FOXO3: variants seen among roughly 807,000 people sequenced by gnomAD.
FOXO3 encodes forkhead box O3.
A neutral mutation model predicts 41.9 loss-of-function variants in FOXO3; 4 were observed. The ratio of observed to expected loss-of-function variants is 0.10; its 90% CI spans 0.05 to 0.22. The LOEUF (loss-of-function observed/expected upper bound fraction) is 0.22, where lower values mean the gene tolerates loss of function less well. FOXO3 is among the 10% of genes least tolerant of loss of function. The pLI is 1.00. For synonymous variants in FOXO3, 318 were observed against 389.3 expected (o/e 0.82, Z 2.16); for missense variants, 534 against 906.8 (o/e 0.59, Z 5.28).
intron 2 of FOXO3, among the ~76,000 whole-genome samples, chr6:108,668,902 G>A (rs1378070338): frequency 6.6e-6 from 1 of 152,154 alleles, no homozygotes; most frequent in African/African-American, 2.4e-5. Flanking sequence ...CGAGACGGGT[G>A]GATCATGAGG....
chr6:108,580,120 A>G (rs1196632345), intron 1 of FOXO3, among the ~76,000 whole-genome samples: 1 of 151,736 alleles, frequency 6.6e-6, no homozygotes, highest in Non-Finnish European at 1.5e-5. Flanking sequence ...AGCTACGGTT[A>G]ATTGAACATT....
intron 1 of FOXO3, among the ~76,000 whole-genome samples, chr6:108,649,138 A>G (rs991696183): frequency 3.2e-4 from 49 of 151,884 alleles, no homozygotes; most frequent in African/African-American, 1.1e-3. Flanking sequence ...CATGAGCAGT[A>G]GTCTATTTTG....
At chr6:108,579,363 T>C (rs1776348688) in intron 1 of FOXO3, among the ~76,000 whole-genome samples, 1 of 152,046 alleles carries the variant, frequency 6.6e-6, no homozygotes, top group Non-Finnish European at 1.5e-5. Context: ...AGGTTCGGTG[T>C]TGGAACAACA....
intron 1 of FOXO3, among the ~76,000 whole-genome samples, chr6:108,606,639 A>G (rs2764261): frequency 0.48 from 73,332 of 152,236 alleles, 20,746 homozygotes; most frequent in East Asian, 0.69. Flanking sequence ...AAGCAGGTTC[A>G]GAAAGCCAGG....
chr6:108,649,615 C>T (rs1400615168), intron 1 of FOXO3, among the ~76,000 whole-genome samples: 1 of 146,772 alleles, frequency 6.8e-6, no homozygotes, highest in East Asian at 2.1e-4. Context: ...ACCTCCACTT[C>T]CCAGGCTCAA....
chr6:108,621,210 G>A (rs959711286), intron 1 of FOXO3, among the ~76,000 whole-genome samples: 3 of 152,138 alleles, frequency 2.0e-5, no homozygotes, highest in Non-Finnish European at 2.9e-5. Context: ...AGCTATGCTT[G>A]TATGTCCTCG....
chr6:108,658,002 G>A (rs928822826), intron 1 of FOXO3, among the ~76,000 whole-genome samples: 7 of 152,174 alleles, frequency 4.6e-5, no homozygotes, highest in African/African-American at 1.7e-4. Flanking sequence ...GGGGGAGTTG[G>A]CTCTTACATG....
intron 1 of FOXO3, among the ~76,000 whole-genome samples, chr6:108,621,378 A>C (rs1777658483): frequency 6.6e-6 from 1 of 152,294 alleles, no homozygotes; most frequent in East Asian, 1.9e-4. Flanking sequence ...TCATCAAGCC[A>C]CAAGGACTTC....
Position 108,682,936 on chromosome 6 carries a change from CTCTCCAGG to C in FOXO3, c.*3145_*3152del, listed in dbSNP as rs1770922991. On this transcript the variant is annotated 3_prime_UTR_variant, in exon 3 of 3. Coordinates refer to ENST00000406360, the MANE Select transcript of FOXO3 (RefSeq NM_001455.4). ...ACATGCGCTCTTGGGATCTGCTGTT[CTCTCCAGG>C]GCTCCAGAACCTGATACCTGTTACC... 1 of 152,618 alleles carries C rather than the reference CTCTCCAGG, an allele frequency of 6.6e-6. No individual in the cohort carries two copies. Among genetic ancestry groups the C allele is most frequent in the African/African-American group, 2.4e-5 (1 of 41,458 alleles). The allele number at this position is 152,618 out of a possible 1,614,324, so 9.5% of individuals were successfully genotyped here.
At chr6:108,605,123 C>T (rs1777159204) in intron 1 of FOXO3, among the ~76,000 whole-genome samples, 1 of 151,348 alleles carries the variant, frequency 6.6e-6, no homozygotes, top group Non-Finnish European at 1.5e-5. Flanking sequence ...ACTAACTTTT[C>T]TTTTTTTTTC....
chr6:108,645,051 G>A (rs780242892), intron 1 of FOXO3, among the ~76,000 whole-genome samples: 8 of 152,134 alleles, frequency 5.3e-5, no homozygotes, highest in African/African-American at 9.7e-5. Context: ...GGCCTCTCCA[G>A]TTCTTCCACC....
At chr6:108,671,452 GCAGCAGAAGGC>G (rs1779215336) in intron 2 of FOXO3, among the ~76,000 whole-genome samples, 2 of 152,204 alleles carry the variant, frequency 1.3e-5, no homozygotes, top group South Asian at 4.1e-4. Flanking sequence ...TGTGGGACTT[GCAGCAGAAGGC>G]TGCCTTTTTC....
chr6:108,659,881 T>TG (rs1263022643), intron 1 of FOXO3, among the ~76,000 whole-genome samples: 4 of 152,352 alleles, frequency 2.6e-5, no homozygotes, highest in Admixed American at 2.0e-4. Context: ...AAAATTTATG[T>TG]GGGGCATTTT....
chr6:108,641,058 C>T (rs1276107550), intron 1 of FOXO3, among the ~76,000 whole-genome samples: 1 of 151,996 alleles, frequency 6.6e-6, no homozygotes, highest in African/African-American at 2.4e-5. Context: ...TACAGGTGCA[C>T]CCCACTACGC....
At chr6:108,590,526 G>A (rs1302726793) in intron 1 of FOXO3, among the ~76,000 whole-genome samples, 2 of 152,144 alleles carry the variant, frequency 1.3e-5, no homozygotes, top group Non-Finnish European at 2.9e-5. Flanking sequence ...TGAAACATAA[G>A]TGAATTTCCT....
At chr6:108,638,399 A>G (rs1778172927) in intron 1 of FOXO3, among the ~76,000 whole-genome samples, 1 of 152,228 alleles carries the variant, frequency 6.6e-6, no homozygotes, top group African/African-American at 2.4e-5. Context: ...AAAAGAGAAC[A>G]CATTGGGATC....
chr6:108,605,155 G>A (rs1377744574), intron 1 of FOXO3, among the ~76,000 whole-genome samples: 1 of 151,702 alleles, frequency 6.6e-6, no homozygotes, highest in Non-Finnish European at 1.5e-5. Context: ...GTCTCATTCT[G>A]TCACCCAGGC....
intron 1 of FOXO3, among the ~76,000 whole-genome samples, chr6:108,600,355 G>A (rs1187957780): frequency 6.6e-6 from 1 of 151,884 alleles, no homozygotes; most frequent in African/African-American, 2.4e-5. Flanking sequence ...AGACCAGCCT[G>A]GCCAACATGG....
Position 108,567,148 on chromosome 6 carries a change from C to T in FOXO3, c.621+5319C>T, listed in dbSNP as rs544567051. Among the ~76,000 whole-genome samples, 797 of 152,250 alleles carry T rather than the reference C, an allele frequency of 5.2e-3. 8 individuals carry two copies. Among genetic ancestry groups the T allele is most frequent in the African/African-American group, 0.017 (722 of 41,530 alleles). The stretch of plus-strand genomic sequence containing the variant: ...GCCTATTCCCGTTGCCTTTTTTTTA[C>T]ATCTGTATTTCTGCTTTCTCTAGTA... On this transcript the variant is annotated intron_variant, in intron 1 of 2. Transcript: ENST00000406360.
Sources: gnomAD v4.1 joint callset for allele counts (sites outside exome capture counted in the v4.1 genomes callset) on GRCh38, gnomAD v4.1.1 for gene constraint, MANE v1.5 for transcripts, NCBI Gene and HGNC (gene_info 2026-07-23, HGNC 2026-07-21) for gene names.